The following WDR64 variants were observed in gnomAD, a reference collection of about 807,000 sequenced individuals.
The protein encoded by WDR64 is WD repeat-containing protein 64.
A neutral mutation model predicts 139.3 loss-of-function variants in WDR64; 112 were observed. That is an observed-to-expected ratio of 0.80 (90% CI 0.69 to 0.94). The LOEUF is 0.94. Among genes scored for constraint, WDR64 ranks in the 40% least tolerant of loss-of-function variants. The pLI is 0.00. For synonymous variants in WDR64, 444 were observed against 437.7 expected (o/e 1.01, Z -0.18); for missense variants, 1,206 against 1,293.1 (o/e 0.93, Z 1.03).
chr1:241,688,637 G>A (rs762309837), intron 8 of WDR64, among the ~76,000 whole-genome samples: 2 of 152,150 alleles, frequency 1.3e-5, no homozygotes, highest in Non-Finnish European at 2.9e-5. Flanking sequence ...AGGCAGTTTT[G>A]TTGCCCCCAC....
intron 9 of WDR64, among the ~76,000 whole-genome samples, chr1:241,722,125 T>A (rs1179850250): frequency 6.6e-6 from 1 of 152,072 alleles, no homozygotes; most frequent in Non-Finnish European, 1.5e-5. Context: ...AAGGATATAG[T>A]CAAAAAATTT....
Position 241,738,431 on chromosome 1 carries a change from A to G in WDR64, c.1263A>G (p.Pro421=). Reference sequence around the variant, plus strand: ...TCTTCCATGACAGCCAGGGAGGACCAGGAGACATGCAGATTTACTCTATGA... The same window carrying G: ...TCTTCCATGACAGCCAGGGAGGACCGGGAGACATGCAGATTTACTCTATGA... ...LQVFHDSQGG[P]GDMQIYSMIY... The change falls in exon 11 of 28, where the codon CCA becomes CCG. Residue 421 remains proline, a synonymous_variant. Coordinates refer to ENST00000437684, the MANE Select transcript of WDR64 (RefSeq NM_001367482.1). The G allele has an allele frequency of 1.2e-6, 2 of 1,613,934 alleles. No individual in the cohort carries two copies. Among genetic ancestry groups the G allele is most frequent in the Non-Finnish European group, 1.7e-6 (2 of 1,179,878 alleles).
intron 2 of WDR64, among the ~76,000 whole-genome samples, chr1:241,661,640 A>G (rs1340191434): frequency 1.3e-5 from 2 of 152,190 alleles, no homozygotes; most frequent in African/African-American, 4.8e-5. Context: ...TATAAATTCT[A>G]AACTCCTAAA....
Position 241,792,597 on chromosome 1 carries a change from G to A in WDR64, c.2997+1901G>A, listed in dbSNP as rs116712055. ...TAACAAAGGTCAGTATACAGGATAT[G>A]GAAAGAACTCCTAAAATCAGTGAGG... On this transcript the variant is annotated intron_variant, in intron 25 of 27. Coordinates refer to ENST00000437684, the MANE Select transcript of WDR64 (RefSeq NM_001367482.1). Among the ~76,000 whole-genome samples, 1,460 of 152,046 alleles carry A rather than the reference G, an allele frequency of 9.6e-3. 14 individuals are homozygous for A. The highest frequency in any genetic ancestry group is 0.02 in the Middle Eastern group (6 of 294).
chr1:241,718,625 A>T (rs1668488979), intron 9 of WDR64, among the ~76,000 whole-genome samples: 1 of 152,146 alleles, frequency 6.6e-6, no homozygotes, highest in Non-Finnish European at 1.5e-5. Flanking sequence ...TTTCCTCATT[A>T]ACCACAACCC....
intron 10 of WDR64, among the ~76,000 whole-genome samples, chr1:241,735,451 G>A (rs968947589): frequency 6.7e-6 from 1 of 149,830 alleles, no homozygotes; most frequent in African/African-American, 2.5e-5. Context: ...CGAAGTTCTT[G>A]AAGATACCCT....
chr1:241,750,978 T>A lies in WDR64; in HGVS notation c.1770+1256T>A, dbSNP rs537109722. ...TGTTGAAAGTATCCTTATTTACTTA[T>A]TATTATTAGTGTATTACTATTATTT... is the stretch of plus-strand genomic sequence containing the variant. On this transcript the variant is annotated intron_variant, in intron 14 of 27. Transcript: ENST00000437684. Among the ~76,000 whole-genome samples, 574 of 152,304 alleles carry A rather than the reference T, an allele frequency of 3.8e-3. 3 individuals carry two copies. Among genetic ancestry groups the A allele is most frequent in the African/African-American group, 0.013 (545 of 41,562 alleles).
At chr1:241,680,915 C>A (rs1371748530) in intron 6 of WDR64, among the ~76,000 whole-genome samples, 1 of 152,130 alleles carries the variant, frequency 6.6e-6, no homozygotes, top group East Asian at 1.9e-4. Flanking sequence ...TATTTTCCTG[C>A]AAAAACTGAG....
chr1:241,753,260 T>G (rs1274428534), intron 14 of WDR64, among the ~76,000 whole-genome samples: 2 of 152,202 alleles, frequency 1.3e-5, no homozygotes, highest in East Asian at 3.8e-4. Flanking sequence ...TAGACCAATA[T>G]TCTCTCCACT....
chr1:241,653,200 A>G (rs1573977561), intron 1 of WDR64, among the ~76,000 whole-genome samples: 1 of 152,364 alleles, frequency 6.6e-6, no homozygotes, highest in South Asian at 2.1e-4. Context: ...GGAGTGGTGT[A>G]GTGTACAGCT....
In WDR64 at chr1:241,671,097, A is replaced by T; in HGVS notation, c.300A>T (p.Glu100Asp). The T allele has an allele frequency of 7.1e-6, 11 of 1,550,478 alleles. No individual in the cohort carries two copies. The highest frequency in any genetic ancestry group is 8.7e-6 in the Non-Finnish European group (10 of 1,146,602). The change falls in exon 3 of 28, where the codon GAA becomes GAT. Residue 100 changes from glutamate to aspartate, a missense_variant. Physicochemically the swap from Glu to Asp is conservative, Grantham distance 45 (BLOSUM62 2). Coordinates refer to ENST00000437684, the MANE Select transcript of WDR64 (RefSeq NM_001367482.1). ...WCEIFGYFSS[E>D]EDPIASQLDE... The stretch of plus-strand genomic sequence containing the variant: ...AGATCTTTGGATACTTCTCCTCTGA[A>T]GAAGATCCTATTGCTTCCCAGTTGG...
intron 7 of WDR64, 60 bp downstream of exon 7, chr1:241,683,761 C>A: frequency 1.6e-6 from 2 of 1,277,656 alleles, no homozygotes. Flanking sequence ...TGCAAGTAAG[C>A]TTTATGGTAC....
At chr1:241,735,855 C>CTGTGTGTG (rs59974714) in intron 10 of WDR64, among the ~76,000 whole-genome samples, 2 of 71,610 alleles carry the variant, frequency 2.8e-5, no homozygotes, top group Non-Finnish European at 3.2e-5. Flanking sequence ...CTCTCTCTCT[C>CTGTGTGTG]TGTGTGTGTG....
At chr1:241,664,588 TTTTTG>T (rs1665959149) in intron 2 of WDR64, among the ~76,000 whole-genome samples, 1 of 152,186 alleles carries the variant, frequency 6.6e-6, no homozygotes, top group Admixed American at 6.5e-5. Context: ...ATCAGATTTT[TTTTTG>T]TTTGTTTTAC....
chr1:241,660,485 G>C (rs1236743782), intron 1 of WDR64, 45 bp from the exon 2 acceptor site: 2 of 1,537,200 alleles, frequency 1.3e-6, no homozygotes, highest in Non-Finnish European at 1.8e-6. Context: ...ACAAAAGGTA[G>C]TCCTTGGAAT....
chr1:241,796,970 A>G (rs920431692), intron 27 of WDR64, among the ~76,000 whole-genome samples: 2 of 152,136 alleles, frequency 1.3e-5, no homozygotes, highest in Non-Finnish European at 2.9e-5. Flanking sequence ...AGAAACTAGG[A>G]GATTTGACAC....
At chr1:241,793,147 AT>A (rs1283282969) in intron 25 of WDR64, among the ~76,000 whole-genome samples, 1 of 152,240 alleles carries the variant, frequency 6.6e-6, no homozygotes, top group African/African-American at 2.4e-5. Context: ...TAACAATTTC[AT>A]TTATGTAACA....
At chr1:241,655,474 A>C (rs1665552029) in intron 1 of WDR64, among the ~76,000 whole-genome samples, 1 of 152,132 alleles carries the variant, frequency 6.6e-6, no homozygotes, top group Admixed American at 6.6e-5. Context: ...AAAAATTATC[A>C]ATGTGCCATA....
At chr1:241,796,236 T>C in intron 26 of WDR64, 21 bp from the exon 27 acceptor site, 1 of 1,575,406 alleles carries the variant, frequency 6.3e-7, no homozygotes, top group South Asian at 1.1e-5. Context: ...TGTGTCTCAC[T>C]GACTAATTTA....
Sources: gnomAD v4.1 joint callset for allele counts (sites outside exome capture counted in the v4.1 genomes callset) on GRCh38, gnomAD v4.1.1 for gene constraint, MANE v1.5 for transcripts, NCBI Gene and HGNC (gene_info 2026-07-23, HGNC 2026-07-21) for gene names.